The following THRAP3 variants were observed in gnomAD, a reference collection of about 807,000 sequenced individuals.
THRAP3 encodes thyroid hormone receptor-associated protein 3.
In THRAP3, 16 loss-of-function variants were observed where a neutral mutation model predicts 101.0. The ratio of observed to expected loss-of-function variants is 0.16; its 90% CI spans 0.11 to 0.24. THRAP3 has a LOEUF of 0.24. Ranked by LOEUF, THRAP3 falls within the 10% of genes least tolerant of loss-of-function variation. THRAP3 has a pLI of 1.00. For missense variants in THRAP3, 989 were observed against 1,202.7 expected, an observed-to-expected ratio of 0.82 and a Z score of 2.63; for synonymous variants, 407 against 422.6, an observed-to-expected ratio of 0.96 and a Z score of 0.45.
chr1:36,281,091 G>C (rs1432637795), intron 2 of THRAP3, among the ~76,000 whole-genome samples: 2 of 151,974 alleles, frequency 1.3e-5, no homozygotes, highest in Non-Finnish European at 1.5e-5. Flanking sequence ...ACTTTTAGTA[G>C]AGATGGGGTT....
chr1:36,241,385 G>GTATA (rs1166260923), intron 1 of THRAP3, among the ~76,000 whole-genome samples: 148 of 8,554 alleles, frequency 0.017, 2 homozygotes, highest in African/African-American at 0.022. Flanking sequence ...GATAATGGGT[G>GTATA]TATATATATA....
At chr1:36,243,767 G>T (rs1427264523) in intron 1 of THRAP3, among the ~76,000 whole-genome samples, 2 of 145,444 alleles carry the variant, frequency 1.4e-5, no homozygotes, top group Non-Finnish European at 3.0e-5. Context: ...CTTCCCAGTA[G>T]GGGCGGCCGG....
chr1:36,213,980 AGAAAGAAAGAAAGAAAG>A, the THRAP3 span, among the ~76,000 whole-genome samples: 3 of 108,864 alleles, frequency 2.8e-5, no homozygotes, highest in African/African-American at 4.8e-5. Flanking sequence ...AAAGAAAGAA[AGAAAGAAAGAAAGAAAG>A]GAAAGAAAGA....
chr1:36,255,772 C>A (rs1397926107), intron 1 of THRAP3, among the ~76,000 whole-genome samples: 285 of 132,098 alleles, frequency 2.2e-3, no homozygotes, highest in South Asian at 2.8e-3. Context: ...GACTCTGTCT[C>A]AAAAAAAAAA....
At chr1:36,269,738 T>A (rs1349642499) in intron 2 of THRAP3, among the ~76,000 whole-genome samples, 2 of 137,516 alleles carry the variant, frequency 1.5e-5, no homozygotes, top group Non-Finnish European at 3.1e-5. Context: ...GCCCAGCTAA[T>A]TTTTTTTTTT....
At chr1:36,231,931 G>A (rs1177476894) in intron 1 of THRAP3, among the ~76,000 whole-genome samples, 1 of 152,048 alleles carries the variant, frequency 6.6e-6, no homozygotes. Flanking sequence ...AAAAGATTTA[G>A]TGGCTGGGTG....
intron 8 of THRAP3, among the ~76,000 whole-genome samples, chr1:36,295,245 A>C (rs1252316368): frequency 2.0e-5 from 3 of 152,108 alleles, no homozygotes; most frequent in Admixed American, 6.5e-5. Context: ...AGGAAAAAAA[A>C]AAAAAAGAAT....
chr1:36,301,630 T>C lies in THRAP3; in HGVS notation c.2580T>C (p.Phe860=). Residue 860 remains phenylalanine, a synonymous_variant, in exon 11 of 12, where the codon TTT becomes TTC. Coordinates refer to ENST00000354618, the MANE Select transcript of THRAP3 (RefSeq NM_005119.4). ...GNNNNNSNND[F]QKRNREEEWD... ...ATAACAACAACAGCAACAACGATTTTCAAAAAAGAAACCGGGAAGAGGAGT... is the reference window on the plus strand; with the variant it reads ...ATAACAACAACAGCAACAACGATTTCCAAAAAAGAAACCGGGAAGAGGAGT... 6.2e-7 allele frequency: 1 copy of C among 1,614,056 alleles called. No individual in the cohort carries two copies. Among genetic ancestry groups the C allele is most frequent in the South Asian group, 1.1e-5 (1 of 91,082 alleles).
chr1:36,214,064 A>AAGAC, the THRAP3 span, among the ~76,000 whole-genome samples: 11 of 146,040 alleles, frequency 7.5e-5, no homozygotes, highest in African/African-American at 1.5e-4. Flanking sequence ...GAAAGAAAGA[A>AAGAC]AGACAACTCC....
chr1:36,303,167 T>C (rs992250102), intron 11 of THRAP3, among the ~76,000 whole-genome samples: 11 of 149,704 alleles, frequency 7.3e-5, no homozygotes, highest in African/African-American at 2.2e-4. Context: ...TTTCACCGTA[T>C]AGCCCAGGCT....
At position 36,305,311 on chromosome 1, in the gene THRAP3, G is replaced by C. The variant is rs1646089708; in HGVS notation, c.*1294G>C. The C allele has an allele frequency of 5.2e-6, 1 of 192,654 alleles. No homozygotes were observed. Among genetic ancestry groups the C allele is most frequent in the Non-Finnish European group, 1.1e-5 (1 of 92,080 alleles). The allele number at this position is 192,654 out of a possible 1,614,324, so 11.9% of individuals were successfully genotyped here. On this transcript the variant is annotated 3_prime_UTR_variant, in exon 12 of 12. Coordinates refer to ENST00000354618, the MANE Select transcript of THRAP3 (RefSeq NM_005119.4). ...AAAATGAAAATCTCCCTTAAAATTT[G>C]TTTCAACTCCTCCTGCAAATAAAAT...
chr1:36,237,822 T>G (rs1312151121), intron 1 of THRAP3, among the ~76,000 whole-genome samples: 2 of 151,162 alleles, frequency 1.3e-5, no homozygotes, highest in African/African-American at 2.4e-5. Context: ...AGGTTTTTTT[T>G]GTGTGTGTGT....
intron 11 of THRAP3, 140 bp from the exon 12 acceptor site, chr1:36,303,656 G>A: frequency 6.2e-6 from 8 of 1,288,958 alleles, no homozygotes; most frequent in Non-Finnish European, 8.4e-6. Context: ...GGGGGACAGG[G>A]AGAAGTGCAG....
In THRAP3 at chr1:36,238,258, C is replaced by T. The variant is rs192069283; in HGVS notation, c.-135+13753C>T. On this transcript the variant is annotated intron_variant, in intron 1 of 11. Coordinates refer to ENST00000354618, the MANE Select transcript of THRAP3 (RefSeq NM_005119.4). Reference sequence around the variant, plus strand: ...TGCTAGGATTATATGGGTAAAACATCGTGCTCAGCCTGAACTAGAATTTAG... The same window carrying T: ...TGCTAGGATTATATGGGTAAAACATTGTGCTCAGCCTGAACTAGAATTTAG... 1.2e-3 allele frequency among the ~76,000 whole-genome samples: 190 copies of T among 152,248 alleles called. 1 individual carries two copies. Among genetic ancestry groups the T allele is most frequent in the African/African-American group, 4.0e-3 (167 of 41,552 alleles).
At chr1:36,258,725 C>T (rs889491307) in intron 1 of THRAP3, among the ~76,000 whole-genome samples, 9 of 152,184 alleles carry the variant, frequency 5.9e-5, no homozygotes, top group Admixed American at 1.3e-4. Flanking sequence ...GTGATCCGCC[C>T]GCCTTGGCCT....
intron 1 of THRAP3, among the ~76,000 whole-genome samples, chr1:36,255,772 CAAAA>C (rs113469683): frequency 1.5e-5 from 2 of 132,258 alleles, no homozygotes; most frequent in Non-Finnish European, 3.2e-5. Flanking sequence ...GACTCTGTCT[CAAAA>C]AAAAAAAAAG....
chr1:36,289,962 G>A (rs1281880829), intron 5 of THRAP3, among the ~76,000 whole-genome samples, 198 bp downstream of exon 5: 6 of 152,060 alleles, frequency 3.9e-5, no homozygotes, highest in African/African-American at 1.2e-4. Flanking sequence ...CAGTATCCCT[G>A]GGGTGATGAA....
At position 36,280,847 on chromosome 1, in the gene THRAP3, C is replaced by T. The variant is rs149256617; in HGVS notation, c.-31-1686C>T. On this transcript the variant is annotated intron_variant, in intron 2 of 11. Transcript: ENST00000354618. ...GGCAACTTAGAGGCGCTCTTCTTTC[C>T]TGGAGGGGGAAAAAAGGAAAAAGAC... Among the ~76,000 whole-genome samples, 385 of 150,834 alleles carry T rather than the reference C, an allele frequency of 2.6e-3. 1 individual carries two copies. The highest frequency in any genetic ancestry group is 9.1e-3 in the African/African-American group (373 of 41,144).
At chr1:36,296,849 A>T in intron 9 of THRAP3, 79 bp downstream of exon 9, 1 of 1,216,336 alleles carries the variant, frequency 8.2e-7, no homozygotes, top group South Asian at 1.9e-5. Flanking sequence ...AGAACTTTCA[A>T]ATCAGAGGAG....
Sources: gnomAD v4.1 joint callset for allele counts (sites outside exome capture counted in the v4.1 genomes callset) on GRCh38, gnomAD v4.1.1 for gene constraint, MANE v1.5 for transcripts, NCBI Gene and HGNC (gene_info 2026-07-23, HGNC 2026-07-21) for gene names.